The following PTCSC3 variants were observed in gnomAD, a reference collection of about 807,000 sequenced individuals.
PTCSC3 encodes papillary thyroid carcinoma susceptibility candidate 3 (non-protein coding).
intron 1 of PTCSC3, chr14:36,165,375 C>G (rs1030137287): frequency 1.2e-4 from 18 of 152,138 alleles, no homozygotes; most frequent in African/African-American, 4.3e-4. Context: ...GTCCTATGTT[C>G]TTTCTACCTC....
intron 1 of PTCSC3, among the ~76,000 whole-genome samples, chr14:36,174,639 G>T (rs181387688): frequency 6.6e-6 from 1 of 152,044 alleles, no homozygotes; most frequent in Non-Finnish European, 1.5e-5. Context: ...TAGACTTAGT[G>T]TTTTGCATTG....
At chr14:36,147,984 G>A (rs1881625689) in intron 3 of PTCSC3, among the ~76,000 whole-genome samples, 1 of 152,162 alleles carries the variant, frequency 6.6e-6, no homozygotes, top group Non-Finnish European at 1.5e-5. Flanking sequence ...CGGGGGTCAG[G>A]GGTCAGGGAC....
chr14:36,168,704 C>G (rs1407050701), intron 1 of PTCSC3, among the ~76,000 whole-genome samples: 2 of 152,130 alleles, frequency 1.3e-5, no homozygotes, highest in Non-Finnish European at 2.9e-5. Flanking sequence ...CAGCCTCAAA[C>G]TCCTGGGCTT....
At chr14:36,147,567 A>AT (rs1031432760) in intron 3 of PTCSC3, among the ~76,000 whole-genome samples, 8 of 151,576 alleles carry the variant, frequency 5.3e-5, no homozygotes, top group African/African-American at 1.9e-4. Context: ...ATTCTTCTAA[A>AT]TTTTTTTCAA....
chr14:36,148,590 T>C (rs1435087684), intron 3 of PTCSC3, among the ~76,000 whole-genome samples: 1 of 152,192 alleles, frequency 6.6e-6, no homozygotes, highest in East Asian at 1.9e-4. Flanking sequence ...ATGAACCTGG[T>C]ACCTCAGATG....
At chr14:36,136,768 T>C (rs998175680) in intron 3 of PTCSC3, among the ~76,000 whole-genome samples, 1 of 152,204 alleles carries the variant, frequency 6.6e-6, no homozygotes, top group African/African-American at 2.4e-5. Context: ...GAGTTCTTCA[T>C]AGGCTTACAG....
At chr14:36,158,744 G>T (rs1466317532) in intron 2 of PTCSC3, among the ~76,000 whole-genome samples, 1 of 152,156 alleles carries the variant, frequency 6.6e-6, no homozygotes, top group African/African-American at 2.4e-5. Context: ...CCAGGTTTTG[G>T]TATCAGGATG....
At chr14:36,138,266 G>T (rs186084184) in intron 3 of PTCSC3, among the ~76,000 whole-genome samples, 1 of 152,254 alleles carries the variant, frequency 6.6e-6, no homozygotes. Context: ...ATGAGATAAA[G>T]CTTCTAGAGG....
chr14:36,151,519 C>A (rs1244756116), intron 3 of PTCSC3, among the ~76,000 whole-genome samples: 2 of 151,844 alleles, frequency 1.3e-5, no homozygotes, highest in Admixed American at 1.3e-4. Flanking sequence ...TATGTTGTAC[C>A]TTTTGTCTTG....
At chr14:36,159,208 T>C (rs1279362764) in intron 2 of PTCSC3, among the ~76,000 whole-genome samples, 1 of 89,742 alleles carries the variant, frequency 1.1e-5, no homozygotes, top group Non-Finnish European at 2.6e-5. Context: ...CCTGGATTCA[T>C]TGATTTTTTG....
At chr14:36,172,287 G>A (rs1003903014) in intron 1 of PTCSC3, among the ~76,000 whole-genome samples, 2 of 152,012 alleles carry the variant, frequency 1.3e-5, no homozygotes, top group African/African-American at 4.8e-5. Context: ...GCTATTTATT[G>A]TGCTCATCTA....
intron 3 of PTCSC3, among the ~76,000 whole-genome samples, chr14:36,144,869 AG>A (rs1300614087): frequency 1.8e-4 from 5 of 27,224 alleles, no homozygotes; most frequent in African/African-American, 3.5e-4. Context: ...TTTAGCATGA[AG>A]GGTTGTTGAA....
chr14:36,159,186 A>C (rs1881897239), intron 2 of PTCSC3, among the ~76,000 whole-genome samples: 1 of 148,882 alleles, frequency 6.7e-6, no homozygotes, highest in Non-Finnish European at 1.5e-5. Context: ...ATCTTTAAAA[A>C]AAAAAACAGC....
intron 1 of PTCSC3, among the ~76,000 whole-genome samples, chr14:36,170,621 C>T (rs143837230): frequency 0.016 from 2,414 of 152,128 alleles, 35 homozygotes; most frequent in South Asian, 0.043. Flanking sequence ...ATTAATTCAC[C>T]GGAAAGTGCC....
rs552148501 is a variant in PTCSC3, at chr14:36,151,974, G to A, written n.322+1830C>T. Among the ~76,000 whole-genome samples, 3 of 152,262 alleles carry A rather than the reference G, an allele frequency of 2.0e-5. No individual in the cohort carries two copies. The East Asian group carries it at 5.8e-4, about 29-fold the overall frequency. Reference sequence around the variant, plus strand: ...CATGAAAATGATTTTTCATTTCATTGTGATTTGTAACTGCAATGCTCTGAT... The same window carrying A: ...CATGAAAATGATTTTTCATTTCATTATGATTTGTAACTGCAATGCTCTGAT... On this transcript the variant is annotated intron_variant and non_coding_transcript_variant, in intron 3 of 3. Coordinates refer to ENST00000556013, the Ensembl canonical transcript of PTCSC3.
chr14:36,157,186 GT>G (rs1313175624), intron 2 of PTCSC3, among the ~76,000 whole-genome samples: 18 of 152,060 alleles, frequency 1.2e-4, no homozygotes, highest in Non-Finnish European at 1.5e-5. Context: ...TCTTTTTCAT[GT>G]TTTTCGGCTG....
chr14:36,135,335 G>A (rs1028694112), downstream of PTCSC3, among the ~76,000 whole-genome samples: 7 of 152,130 alleles, frequency 4.6e-5, no homozygotes, highest in East Asian at 1.9e-4. Flanking sequence ...CCTGAGTAGT[G>A]GAAAACTTGT....
intron 1 of PTCSC3, among the ~76,000 whole-genome samples, chr14:36,168,763 C>G (rs1438291354): frequency 6.6e-6 from 1 of 152,004 alleles, no homozygotes; most frequent in Non-Finnish European, 1.5e-5. Context: ...CTGCAAGTAC[C>G]TGACACTATG....
At chr14:36,154,554 T>C (rs542702498) in intron 2 of PTCSC3, among the ~76,000 whole-genome samples, 1 of 152,296 alleles carries the variant, frequency 6.6e-6, no homozygotes, top group South Asian at 2.1e-4. Flanking sequence ...ACTATCACTC[T>C]AGGAACTGTG....
Sources: gnomAD v4.1 joint callset for allele counts (sites outside exome capture counted in the v4.1 genomes callset) on GRCh38, gnomAD v4.1.1 for gene constraint, MANE v1.5 for transcripts, NCBI Gene and HGNC (gene_info 2026-07-23, HGNC 2026-07-21) for gene names.